ZFHX3: variants seen among roughly 807,000 people sequenced by gnomAD.
The protein encoded by ZFHX3 is zinc finger homeobox 3, also known as zinc finger homeobox protein 3.
In ZFHX3, 42 loss-of-function variants were observed where a neutral mutation model predicts 279.1. That is an observed-to-expected ratio of 0.15 (90% CI 0.12 to 0.19). The LOEUF is 0.19. Among genes scored for constraint, ZFHX3 ranks in the 10% least tolerant of loss-of-function variants. The probability of loss-of-function intolerance (pLI) is 1.00; values close to 1 mark genes in which losing one functional copy is unlikely to be tolerated. For missense variants in ZFHX3, 4,981 were observed against 4,754.0 expected, an observed-to-expected ratio of 1.05 and a Z score of -1.40; for synonymous variants, 2,293 against 1,957.8, an observed-to-expected ratio of 1.17 and a Z score of -4.52.
At chr16:72,955,843 C>A (rs1961229111) in intron 2 of ZFHX3, among the ~76,000 whole-genome samples, 2 of 150,488 alleles carry the variant, frequency 1.3e-5, no homozygotes, top group African/African-American at 4.9e-5. Flanking sequence ...CACGTTCTGT[C>A]TTCATTCCAC....
At chr16:73,040,482 C>G (rs1400232951) in intron 1 of ZFHX3, among the ~76,000 whole-genome samples, 1 of 152,028 alleles carries the variant, frequency 6.6e-6, no homozygotes, top group Non-Finnish European at 1.5e-5. Context: ...CGGGGAAGGC[C>G]TCTCTAGGTG....
chr16:73,703,127 C>T (rs1044276085), intron 1 of ZFHX3, among the ~76,000 whole-genome samples: 1 of 152,194 alleles, frequency 6.6e-6, no homozygotes, highest in Non-Finnish European at 1.5e-5. Context: ...CAATAAACAT[C>T]AAACTAAACA....
chr16:73,026,190 TACAAAAAAAAAAAAAA>T (rs1567639135), intron 1 of ZFHX3, among the ~76,000 whole-genome samples: 1 of 2,648 alleles, frequency 3.8e-4, no homozygotes, highest in Non-Finnish European at 6.4e-4. Flanking sequence ...CTACAAAAAA[TACAAAAAAAAAAAAAA>T]AAAAAAAAAA....
intron 2 of ZFHX3, among the ~76,000 whole-genome samples, chr16:73,663,230 A>C (rs1328320565): frequency 6.6e-6 from 1 of 152,210 alleles, no homozygotes; most frequent in Non-Finnish European, 1.5e-5. Flanking sequence ...GAACATCTGA[A>C]ATTCAGTAGC....
intron 1 of ZFHX3, among the ~76,000 whole-genome samples, chr16:73,042,802 C>G (rs1412875942): frequency 1.3e-5 from 2 of 152,050 alleles, no homozygotes; most frequent in Non-Finnish European, 2.9e-5. Context: ...CACTTCCAGT[C>G]CAAGTCTCCC....
chr16:73,539,325 G>A (rs1285207715), intron 2 of ZFHX3, among the ~76,000 whole-genome samples: 3 of 148,854 alleles, frequency 2.0e-5, no homozygotes, highest in African/African-American at 5.0e-5. Context: ...GATTTTACGC[G>A]CCCACCCGCC....
intron 1 of ZFHX3, among the ~76,000 whole-genome samples, chr16:73,811,467 G>A (rs563952019): frequency 2.3e-4 from 32 of 136,788 alleles, no homozygotes; most frequent in African/African-American, 7.3e-4. Context: ...TTTTTGAGAC[G>A]GAGTCTTGCT....
chr16:73,579,873 T>TATATAC (rs879701579), intron 2 of ZFHX3, among the ~76,000 whole-genome samples: 14 of 145,428 alleles, frequency 9.6e-5, no homozygotes, highest in South Asian at 4.2e-4. Flanking sequence ...TATATATATA[T>TATATAC]ACATACACAC....
At chr16:73,643,764 C>T (rs12447724) in intron 2 of ZFHX3, among the ~76,000 whole-genome samples, 83,535 of 152,030 alleles carry the variant, frequency 0.55, 25,730 homozygotes, top group East Asian at 0.82. Flanking sequence ...CGTATCTCTT[C>T]AGCACCTCTT....
intron 3 of ZFHX3, among the ~76,000 whole-genome samples, chr16:73,339,740 A>T (rs1862234998): frequency 6.6e-6 from 1 of 152,168 alleles, no homozygotes; most frequent in African/African-American, 2.4e-5. Flanking sequence ...TCATTTCCAG[A>T]CATGAACTGA....
intron 5 of ZFHX3, among the ~76,000 whole-genome samples, chr16:73,204,265 T>A (rs2011713770): frequency 6.6e-6 from 1 of 150,568 alleles, no homozygotes; most frequent in Non-Finnish European, 1.5e-5. Flanking sequence ...CTATTATTAT[T>A]ATAGAAATTA....
intron 2 of ZFHX3, among the ~76,000 whole-genome samples, chr16:73,457,085 C>A (rs1300732381): frequency 2.6e-5 from 4 of 152,208 alleles, no homozygotes; most frequent in Admixed American, 1.3e-4. Flanking sequence ...GTAGCGGAGC[C>A]TTGTGCTTCT....
At chr16:73,506,059 T>G (rs2019320741) in intron 2 of ZFHX3, among the ~76,000 whole-genome samples, 1 of 152,150 alleles carries the variant, frequency 6.6e-6, no homozygotes, top group African/African-American at 2.4e-5. Context: ...GACCATGAAA[T>G]TCACTTCGCT....
intron 2 of ZFHX3, among the ~76,000 whole-genome samples, chr16:73,614,370 T>C (rs2052277291): frequency 6.6e-6 from 1 of 152,270 alleles, no homozygotes; most frequent in Admixed American, 6.5e-5. Flanking sequence ...CTTCCAGCTC[T>C]GAAATAGAGC....
At chr16:73,820,399 G>A (rs991386307) in intron 1 of ZFHX3, among the ~76,000 whole-genome samples, 3 of 152,118 alleles carry the variant, frequency 2.0e-5, no homozygotes, top group Non-Finnish European at 2.9e-5. Context: ...CTGGCTGGTG[G>A]CTTCTGCTCC....
intron 4 of ZFHX3, 152 bp from the exon 5 acceptor site, chr16:72,830,011 A>C: frequency 3.9e-6 from 3 of 764,708 alleles, no homozygotes; most frequent in South Asian, 3.5e-5. Context: ...TGACGGTGCT[A>C]AGGATATACT....
At chr16:73,585,064 G>C (rs1286932086) in intron 2 of ZFHX3, among the ~76,000 whole-genome samples, 1 of 152,186 alleles carries the variant, frequency 6.6e-6, no homozygotes, top group Non-Finnish European at 1.5e-5. Flanking sequence ...TTATTAAAAA[G>C]TCAAGAAACA....
chr16:73,704,027 T>G (rs537070422), intron 1 of ZFHX3, among the ~76,000 whole-genome samples: 1 of 152,186 alleles, frequency 6.6e-6, no homozygotes, highest in Non-Finnish European at 1.5e-5. Flanking sequence ...CATCTGTAGA[T>G]GTGAACTACG....
At chr16:73,265,472 GT>G (rs891207090) in intron 4 of ZFHX3, among the ~76,000 whole-genome samples, 2 of 152,066 alleles carry the variant, frequency 1.3e-5, no homozygotes, top group Admixed American at 6.6e-5. Context: ...AATGGTGGGG[GT>G]TTTTTTGTTT....
Sources: allele counts gnomAD v4.1 joint callset (sites outside exome capture counted in the v4.1 genomes callset), GRCh38; gene constraint gnomAD v4.1.1; transcripts MANE v1.5; gene names NCBI Gene and HGNC (gene_info 2026-07-23, HGNC 2026-07-21).